Variants in GLT8D2 observed in about 807,000 individuals in gnomAD.
GLT8D2 encodes the protein glycosyltransferase 8 domain-containing protein 2.
GLT8D2 carries 45 observed loss-of-function variants against 44.5 expected under a neutral mutation model. The observed-to-expected ratio is 1.01, with a 90% CI of 0.80 to 1.30. The LOEUF (loss-of-function observed/expected upper bound fraction) is 1.30, where lower values mean the gene tolerates loss of function less well. Among genes scored for constraint, GLT8D2 ranks in the 50% most tolerant of loss-of-function variants. The probability of loss-of-function intolerance (pLI) is 0.00; values close to 1 mark genes in which losing one functional copy is unlikely to be tolerated. For synonymous variants in GLT8D2, 156 were observed against 157.2 expected (o/e 0.99, Z 0.06); for missense variants, 400 against 430.4 (o/e 0.93, Z 0.62).
At chr12:104,037,268 G>A (rs1349239483) in intron 1 of GLT8D2, among the ~76,000 whole-genome samples, 2 of 152,116 alleles carry the variant, frequency 1.3e-5, no homozygotes, top group Non-Finnish European at 2.9e-5. Flanking sequence ...AGAAGCAAGA[G>A]CAAACACATT....
intron 1 of GLT8D2, among the ~76,000 whole-genome samples, chr12:104,039,673 T>C (rs956985302): frequency 1.3e-5 from 2 of 152,108 alleles, no homozygotes; most frequent in East Asian, 3.9e-4. Context: ...TGTGGAGAAA[T>C]AGGAATGCTT....
At chr12:103,997,650 C>A (rs534453629) in intron 6 of GLT8D2, 115 bp from the exon 7 acceptor site, 3 of 708,516 alleles carry the variant, frequency 4.2e-6, no homozygotes, top group African/African-American at 3.6e-5. Context: ...AGGTTTGGAG[C>A]GGAATAAAAC....
intron 8 of GLT8D2, 88 bp from the exon 9 acceptor site, chr12:103,994,589 T>C (rs1873183513): frequency 1.6e-6 from 2 of 1,231,216 alleles, no homozygotes; most frequent in African/African-American, 3.0e-5. Context: ...TTGTGCAGTA[T>C]CTTTGGGTTT....
intron 3 of GLT8D2, among the ~76,000 whole-genome samples, chr12:104,016,825 G>GAAAA (rs756311442): frequency 2.0e-5 from 1 of 50,322 alleles, no homozygotes; most frequent in Non-Finnish European, 4.1e-5. Flanking sequence ...GAAAGAGAAA[G>GAAAA]AAAAGAAAGA....
chr12:104,058,875 A>G lies in GLT8D2; in HGVS notation c.-423+5074T>C, dbSNP rs117117039. Among the ~76,000 whole-genome samples the G allele has an allele frequency of 1.4e-3, 206 of 152,164 alleles. 2 individuals carry two copies. The highest frequency in any genetic ancestry group is 0.01 in the East Asian group (52 of 5,188). On this transcript the variant is annotated intron_variant, in intron 1 of 10. Coordinates refer to the GLT8D2 transcript ENST00000548660. ...TTACCCAAGGGGGATACATTCAAAG[A>G]CCCCCAGAGATGCCTAAAACCACGG...
chr12:104,030,815 G>T (rs1039974824), intron 1 of GLT8D2: 6 of 1,602,688 alleles, frequency 3.7e-6, no homozygotes, highest in Non-Finnish European at 4.3e-6. Context: ...CCGGCACGGC[G>T]AGAGCGCATG....
rs1879270095 is a variant in GLT8D2, at chr12:104,031,608, C to A, written c.-163-10117G>T. 1.9e-6 allele frequency: 3 copies of A among 1,553,284 alleles called. No individual in the cohort carries two copies. In the African/African-American group the frequency reaches 4.1e-5, roughly 21 times the overall value. On this transcript the variant is annotated intron_variant, in intron 1 of 10. Coordinates refer to ENST00000360814, the MANE Select transcript of GLT8D2 (RefSeq NM_001384711.1). ...CTGCCCATCTTGTCCCTCTGCCCCT[C>A]CCACCTGCACATGTCACACTGACCA...
At chr12:104,005,815 G>A (rs1166355589) in intron 4 of GLT8D2, among the ~76,000 whole-genome samples, 1 of 152,230 alleles carries the variant, frequency 6.6e-6, no homozygotes, top group Non-Finnish European at 1.5e-5. Context: ...CATTGTGGAA[G>A]ACAGTGTGGT....
At chr12:104,014,833 C>T (rs1437507620) in intron 4 of GLT8D2, among the ~76,000 whole-genome samples, 180 bp downstream of exon 4, 1 of 152,202 alleles carries the variant, frequency 6.6e-6, no homozygotes, top group African/African-American at 2.4e-5. Flanking sequence ...GTTTGAATAG[C>T]ACCGACCATC....
upstream of GLT8D2, chr12:104,064,339 CG>C: frequency 2.3e-6 from 1 of 437,080 alleles, no homozygotes; most frequent in East Asian, 3.7e-5. This position sits in a 1 kb window ranked among gnomAD's most constrained non-coding sequence, Gnocchi z 7.3. Context: ...TGCGTTGCTC[CG>C]GGTGGCCGCT....
chr12:104,012,479 T>G (rs1323173004), intron 4 of GLT8D2: 1 of 230,314 alleles, frequency 4.3e-6, no homozygotes, highest in Non-Finnish European at 8.4e-6. Context: ...TTGGAGCTGT[T>G]TTAACAGCTG....
intron 3 of GLT8D2, among the ~76,000 whole-genome samples, chr12:104,016,999 G>T (rs963844096): frequency 3.9e-5 from 6 of 152,178 alleles, no homozygotes; most frequent in Admixed American, 3.9e-4. Context: ...GTTGGCCCTT[G>T]AGATCTGTTG....
At chr12:104,023,023 T>G (rs947117862) in intron 1 of GLT8D2, among the ~76,000 whole-genome samples, 1 of 152,240 alleles carries the variant, frequency 6.6e-6, no homozygotes. Context: ...CCATGAGAAC[T>G]ATTTTTCTGC....
chr12:104,015,433 CACAA>C (rs199804436), intron 3 of GLT8D2, among the ~76,000 whole-genome samples: 18 of 146,542 alleles, frequency 1.2e-4, no homozygotes, highest in Admixed American at 3.4e-4. Flanking sequence ...CACACACACA[CACAA>C]ATTAGCTGGG....
chr12:104,015,393 A>AACACACACACACACACACACAC (rs55732553), intron 3 of GLT8D2, among the ~76,000 whole-genome samples: 4 of 126,100 alleles, frequency 3.2e-5, no homozygotes, highest in Non-Finnish European at 6.5e-5. Flanking sequence ...AACAACAACA[A>AACACACACACACACACACACAC]ACACACACAC....
chr12:104,014,059 C>T (rs1876210948), intron 4 of GLT8D2, among the ~76,000 whole-genome samples: 1 of 152,046 alleles, frequency 6.6e-6, no homozygotes, highest in Admixed American at 6.6e-5. Flanking sequence ...TGTGTATTTG[C>T]TTGATTTATA....
chr12:104,013,704 G>A (rs181891552), intron 4 of GLT8D2, among the ~76,000 whole-genome samples: 1 of 151,242 alleles, frequency 6.6e-6, no homozygotes, highest in Non-Finnish European at 1.5e-5. Context: ...CTAAGTGTCT[G>A]ACTGAAAAAA....
intron 1 of GLT8D2, among the ~76,000 whole-genome samples, chr12:104,046,778 T>C (rs1881192119): frequency 6.6e-6 from 1 of 152,100 alleles, no homozygotes; most frequent in African/African-American, 2.4e-5. Flanking sequence ...CTTTTTGCTA[T>C]AATGAAAGGT....
intron 1 of GLT8D2, among the ~76,000 whole-genome samples, chr12:104,056,642 G>C (rs1173253071): frequency 6.6e-6 from 1 of 152,204 alleles, no homozygotes; most frequent in South Asian, 2.1e-4. Context: ...AATTAGCACC[G>C]TTTAGTTATA....
Sources: gnomAD v4.1 joint callset for allele counts (sites outside exome capture counted in the v4.1 genomes callset) on GRCh38, gnomAD v4.1.1 for gene constraint, Gnocchi (gnomAD v3.1) non-coding constraint, MANE v1.5 for transcripts, NCBI Gene and HGNC (gene_info 2026-07-23, HGNC 2026-07-21) for gene names.